The following LINGO2 variants were observed in gnomAD, a reference collection of about 807,000 sequenced individuals.
LINGO2 encodes leucine-rich repeat and immunoglobulin-like domain-containing nogo receptor-interacting protein 2.
A neutral mutation model predicts 30.6 loss-of-function variants in LINGO2; 14 were observed. The observed-to-expected ratio is 0.46, with a 90% CI of 0.30 to 0.72. The LOEUF is 0.72. LINGO2 is among the 30% of genes least tolerant of loss of function. The probability of loss-of-function intolerance (pLI) is 0.07; values close to 1 mark genes in which losing one functional copy is unlikely to be tolerated. For missense variants in LINGO2, 729 were observed against 751.7 expected (o/e 0.97, Z 0.35); for synonymous variants, 317 against 288.5 (o/e 1.10, Z -1.00).
intron 4 of LINGO2, among the ~76,000 whole-genome samples, chr9:28,269,980 T>A (rs1374820748): frequency 6.6e-6 from 1 of 152,074 alleles, no homozygotes; most frequent in Non-Finnish European, 1.5e-5. Context: ...ACTAGAGAAA[T>A]GTGCAAGGTG....
chr9:28,884,486 A>T, the LINGO2 span, among the ~76,000 whole-genome samples: 2 of 152,104 alleles, frequency 1.3e-5, no homozygotes, highest in African/African-American at 4.8e-5. Context: ...AATTTTTGAA[A>T]TGTAAAAAAT....
chr9:28,394,002 T>C (rs1237993456), intron 2 of LINGO2, among the ~76,000 whole-genome samples: 3 of 152,180 alleles, frequency 2.0e-5, no homozygotes, highest in Non-Finnish European at 1.5e-5. Flanking sequence ...TAACCTCTTT[T>C]TTTTTTCCCT....
chr9:28,002,892 A>G (rs1822034616), intron 5 of LINGO2, among the ~76,000 whole-genome samples: 1 of 152,094 alleles, frequency 6.6e-6, no homozygotes, highest in African/African-American at 2.4e-5. Flanking sequence ...TTCTAATCCC[A>G]GTGTGAGTGC....
intron 5 of LINGO2, among the ~76,000 whole-genome samples, chr9:27,979,622 T>C (rs751385761): frequency 6.6e-6 from 1 of 151,790 alleles, no homozygotes; most frequent in African/African-American, 2.4e-5. Flanking sequence ...AAAAGGAAAA[T>C]AGAGGTATGG....
the LINGO2 span, among the ~76,000 whole-genome samples, chr9:29,131,205 A>T: frequency 6.6e-6 from 1 of 152,148 alleles, no homozygotes; most frequent in Non-Finnish European, 1.5e-5. Context: ...TCCACCCATG[A>T]AGTTTCCATT....
chr9:28,003,718 C>T (rs561876805), intron 5 of LINGO2, among the ~76,000 whole-genome samples: 1 of 152,220 alleles, frequency 6.6e-6, no homozygotes, highest in South Asian at 2.1e-4. Flanking sequence ...GCCTTGGCCT[C>T]CCAGTTGATG....
At chr9:28,928,683 G>GTA in the LINGO2 span, among the ~76,000 whole-genome samples, 1 of 151,998 alleles carries the variant, frequency 6.6e-6, no homozygotes, top group Non-Finnish European at 1.5e-5. Context: ...ATTTCTAATG[G>GTA]TAGCAGGAGA....
At chr9:28,227,692 C>T (rs190174541) in intron 4 of LINGO2, among the ~76,000 whole-genome samples, 1 of 152,122 alleles carries the variant, frequency 6.6e-6, no homozygotes, top group African/African-American at 2.4e-5. Context: ...TAGTTAACAG[C>T]CACATACTAT....
intron 4 of LINGO2, among the ~76,000 whole-genome samples, chr9:28,020,334 G>C (rs1002184089): frequency 6.6e-6 from 1 of 152,112 alleles, no homozygotes; most frequent in Non-Finnish European, 1.5e-5. Context: ...TTTGTGACCA[G>C]CCTAACCAAT....
At chr9:28,787,345 A>G in the LINGO2 span, among the ~76,000 whole-genome samples, 2 of 152,210 alleles carry the variant, frequency 1.3e-5, no homozygotes, top group East Asian at 3.8e-4. Flanking sequence ...GTCTTTGTAT[A>G]TAACTGTATC....
At chr9:28,419,710 T>A (rs1823110621) in intron 2 of LINGO2, among the ~76,000 whole-genome samples, 1 of 152,040 alleles carries the variant, frequency 6.6e-6, no homozygotes, top group Non-Finnish European at 1.5e-5. Context: ...ATGACATTCA[T>A]AAAATAATCC....
At chr9:28,767,399 A>T in the LINGO2 span, among the ~76,000 whole-genome samples, 1 of 152,166 alleles carries the variant, frequency 6.6e-6, no homozygotes, top group Non-Finnish European at 1.5e-5. Flanking sequence ...CTGCCCTGAC[A>T]TTTATAGCAA....
the LINGO2 span, among the ~76,000 whole-genome samples, chr9:29,005,190 T>A: frequency 1.3e-5 from 2 of 152,034 alleles, no homozygotes; most frequent in Admixed American, 6.6e-5. Flanking sequence ...ATATGCAAAT[T>A]CAGCAAAATA....
chr9:28,171,117 C>T (rs1564016061), intron 4 of LINGO2, among the ~76,000 whole-genome samples: 2 of 152,152 alleles, frequency 1.3e-5, no homozygotes, highest in Non-Finnish European at 2.9e-5. Context: ...TCTTGAAGCA[C>T]TGGTGGTAGC....
intron 1 of LINGO2, among the ~76,000 whole-genome samples, chr9:28,644,225 C>A (rs112551272): frequency 4.6e-5 from 7 of 152,012 alleles, no homozygotes; most frequent in African/African-American, 1.4e-4. Flanking sequence ...ATCAGTATAT[C>A]GAAGAGATAG....
the LINGO2 span, among the ~76,000 whole-genome samples, chr9:28,870,292 C>A: frequency 6.6e-6 from 1 of 152,046 alleles, no homozygotes; most frequent in Non-Finnish European, 1.5e-5. Flanking sequence ...CCATTCCACC[C>A]CATGTGTGTC....
chr9:28,021,391 A>G (rs1372386676), intron 4 of LINGO2, among the ~76,000 whole-genome samples: 1 of 151,958 alleles, frequency 6.6e-6, no homozygotes, highest in African/African-American at 2.4e-5. Flanking sequence ...AAAGTTTTTG[A>G]GGTGTCTTAT....
At chr9:29,033,865 G>C in the LINGO2 span, among the ~76,000 whole-genome samples, 1 of 152,158 alleles carries the variant, frequency 6.6e-6, no homozygotes, top group African/African-American at 2.4e-5. Context: ...TGGATCAGTT[G>C]AGCTCAGGAG....
intron 1 of LINGO2, among the ~76,000 whole-genome samples, chr9:28,531,919 C>G (rs1821250164): frequency 6.6e-6 from 1 of 152,124 alleles, no homozygotes; most frequent in South Asian, 2.1e-4. Context: ...TATGGGCTAA[C>G]AGCTGAACAA....
Sources: gnomAD v4.1 joint callset for allele counts (sites outside exome capture counted in the v4.1 genomes callset) on GRCh38, gnomAD v4.1.1 for gene constraint, MANE v1.5 for transcripts, NCBI Gene and HGNC (gene_info 2026-07-23, HGNC 2026-07-21) for gene names.